The following PRKCH variants were observed in gnomAD, a reference collection of about 807,000 sequenced individuals.
The protein encoded by PRKCH is protein kinase C eta, also known as protein kinase C eta type.
Under a neutral mutation model 82.5 loss-of-function variants are expected in PRKCH, and 28 were observed. That is an observed-to-expected ratio of 0.34 (90% CI 0.25 to 0.47). The LOEUF (loss-of-function observed/expected upper bound fraction) is 0.47, where lower values mean the gene tolerates loss of function less well. Among genes scored for constraint, PRKCH ranks in the 20% least tolerant of loss-of-function variants. PRKCH has a pLI of 1.00. For missense variants in PRKCH, 705 were observed against 881.8 expected, an observed-to-expected ratio of 0.80 and a Z score of 2.54; for synonymous variants, 322 against 327.4, an observed-to-expected ratio of 0.98 and a Z score of 0.18.
chr14:61,389,519 C>CTACA (rs552658879), intron 1 of PRKCH, among the ~76,000 whole-genome samples: 9 of 151,670 alleles, frequency 5.9e-5, no homozygotes, highest in Non-Finnish European at 1.0e-4. Context: ...GACCTTGTCT[C>CTACA]TACATACATA....
chr14:61,527,348 T>G (rs1184090614), intron 10 of PRKCH, among the ~76,000 whole-genome samples: 1 of 152,180 alleles, frequency 6.6e-6, no homozygotes, highest in Non-Finnish European at 1.5e-5. Flanking sequence ...TTTTCCTGAT[T>G]AACATCCCCA....
Position 61,339,622 on chromosome 14 carries a change from C to T in PRKCH, c.363+17158C>T, listed in dbSNP as rs865876646. ...ACAGGCGTGAGCCACCAAGCCCGGC[C>T]TTTTTTTTTTTTTTTTTTTTTTTTA... On this transcript the variant is annotated intron_variant, in intron 1 of 13. Coordinates refer to ENST00000332981, the MANE Select transcript of PRKCH (RefSeq NM_006255.5). 7.4e-3 allele frequency among the ~76,000 whole-genome samples: 446 copies of T among 60,112 alleles called. 5 individuals are homozygous for T. Among genetic ancestry groups the T allele is most frequent in the Middle Eastern group, 0.05 (2 of 40 alleles). The allele number at this position is 60,112 out of a possible 152,430, so 39.4% of individuals were successfully genotyped here.
chr14:61,513,955 C>A (rs193081442), intron 10 of PRKCH, among the ~76,000 whole-genome samples: 8 of 152,124 alleles, frequency 5.3e-5, no homozygotes, highest in Admixed American at 4.6e-4. Context: ...GAAACTGAGG[C>A]CCAGAAAGGT....
chr14:61,280,282 T>C lies in PRKCH; in HGVS notation c.-19+92614T>C, dbSNP rs993678607. The C allele has an allele frequency of 1.2e-6, 2 of 1,613,918 alleles. No individual in the cohort carries two copies. The highest frequency in any genetic ancestry group is 1.3e-5 in the African/African-American group (1 of 74,920). ...GCCGAACGCGCGCACCGGGTAGTTG[T>C]AGGTGATGTTGACGCGGTAGGCGCC... On this transcript the variant is annotated intron_variant, in intron 1 of 3. Transcript: ENST00000555185. This position sits in a 1 kb window ranked among gnomAD's most constrained non-coding sequence, Gnocchi z 5.0.
intron 2 of PRKCH, among the ~76,000 whole-genome samples, chr14:61,403,816 T>C (rs1475217842): frequency 1.3e-5 from 2 of 152,206 alleles, no homozygotes; most frequent in Non-Finnish European, 2.9e-5. Context: ...GCTGACTCGT[T>C]TGTTAATTTT....
At chr14:61,220,859 T>A (rs955010688) in intron 1 of PRKCH, among the ~76,000 whole-genome samples, 2 of 152,208 alleles carry the variant, frequency 1.3e-5, no homozygotes, top group East Asian at 1.9e-4. Context: ...ATTTAAAGTT[T>A]AATTTTTATT....
intron 10 of PRKCH, among the ~76,000 whole-genome samples, chr14:61,486,180 T>G (rs1218835566): frequency 6.6e-5 from 10 of 152,186 alleles, no homozygotes. Flanking sequence ...AACACACTGT[T>G]GTTCTCTTTT....
At chr14:61,343,209 C>T (rs2045949755) in intron 1 of PRKCH, among the ~76,000 whole-genome samples, 1 of 152,014 alleles carries the variant, frequency 6.6e-6, no homozygotes, top group South Asian at 2.1e-4. Flanking sequence ...AATCAAAGGA[C>T]TGGCTTGGAG....
intron 1 of PRKCH, chr14:61,306,452 T>C (rs2045486415): frequency 6.6e-6 from 1 of 152,360 alleles, no homozygotes; most frequent in Admixed American, 6.5e-5. Flanking sequence ...ACTTCCATAC[T>C]TCCTTGGATT....
intron 1 of PRKCH, among the ~76,000 whole-genome samples, chr14:61,386,977 G>A (rs983711947): frequency 1.3e-5 from 2 of 152,214 alleles, no homozygotes; most frequent in East Asian, 1.9e-4. Context: ...TGATCTAAGG[G>A]TTTAAATGAT....
intron 1 of PRKCH, among the ~76,000 whole-genome samples, chr14:61,214,490 G>T (rs987432819): frequency 6.6e-6 from 1 of 152,110 alleles, no homozygotes; most frequent in Non-Finnish European, 1.5e-5. Context: ...CTTGGTGGTT[G>T]TCTGTCAGCT....
At chr14:61,299,207 T>C (rs2045430110) in intron 1 of PRKCH, among the ~76,000 whole-genome samples, 1 of 152,142 alleles carries the variant, frequency 6.6e-6, no homozygotes, top group Non-Finnish European at 1.5e-5. Flanking sequence ...AGGGAGAATT[T>C]AAATCCTCAT....
intron 1 of PRKCH, among the ~76,000 whole-genome samples, chr14:61,189,226 G>T (rs1566774470): frequency 6.6e-6 from 1 of 152,160 alleles, no homozygotes; most frequent in Non-Finnish European, 1.5e-5. Context: ...ATCCCAGCGG[G>T]GTCCCCAGCT....
intron 3 of PRKCH, 59 bp downstream of exon 3, chr14:61,443,320 G>T: frequency 6.6e-7 from 1 of 1,518,820 alleles, no homozygotes; most frequent in Non-Finnish European, 8.9e-7. Flanking sequence ...GCTTCCTCTG[G>T]TTATGTATGA....
chr14:61,394,277 AC>A (rs1336073241), intron 2 of PRKCH, among the ~76,000 whole-genome samples: 2 of 145,702 alleles, frequency 1.4e-5, no homozygotes, highest in Middle Eastern at 3.3e-3. Context: ...AAAAAAAAAA[AC>A]TGTTCAGGTT....
chr14:61,394,268 A>T (rs1413097662), intron 2 of PRKCH, among the ~76,000 whole-genome samples: 1 of 4,226 alleles, frequency 2.4e-4, no homozygotes, highest in African/African-American at 2.4e-4. Flanking sequence ...ACTTGACATA[A>T]AAAAAAAAAC....
intron 1 of PRKCH, among the ~76,000 whole-genome samples, chr14:61,254,572 C>T (rs2044980240): frequency 6.6e-6 from 1 of 152,120 alleles, no homozygotes; most frequent in South Asian, 2.1e-4. Context: ...GCTGTGATTA[C>T]ACCACTGCAC....
chr14:61,457,796 A>AAATTTATTT, intron 9 of PRKCH, 117 bp downstream of exon 9: 2 of 1,391,994 alleles, frequency 1.4e-6, no homozygotes, highest in Admixed American at 4.0e-5. Context: ...TGGGCTCCCA[A>AAATTTATTT]GGCAGGGTCA....
chr14:61,234,295 T>G (rs564469447), intron 1 of PRKCH, among the ~76,000 whole-genome samples: 1 of 152,308 alleles, frequency 6.6e-6, no homozygotes, highest in East Asian at 1.9e-4. Flanking sequence ...ACAGCCCTGG[T>G]CCTGTGACTA....
Sources: allele counts gnomAD v4.1 joint callset (sites outside exome capture counted in the v4.1 genomes callset), GRCh38; gene constraint gnomAD v4.1.1; non-coding constraint Gnocchi (gnomAD v3.1); transcripts MANE v1.5; gene names NCBI Gene and HGNC (gene_info 2026-07-23, HGNC 2026-07-21).